TMEM63B: variants seen among roughly 807,000 people sequenced by gnomAD.
The protein encoded by TMEM63B is transmembrane protein 63B.
Under a neutral mutation model 102.6 loss-of-function variants are expected in TMEM63B, and 23 were observed. The ratio of observed to expected loss-of-function variants is 0.22; its 90% CI spans 0.16 to 0.32. The LOEUF is 0.32. Ranked by LOEUF, TMEM63B falls within the 10% of genes least tolerant of loss-of-function variation. TMEM63B has a pLI of 1.00. For synonymous variants in TMEM63B, 444 were observed against 437.0 expected, an observed-to-expected ratio of 1.02 and a Z score of -0.20; for missense variants, 628 against 1,095.9, an observed-to-expected ratio of 0.57 and a Z score of 6.03.
rs1486497700 is a variant in TMEM63B, at chr6:44,152,573, C to T, written c.1837-20C>T. 4.4e-6 allele frequency: 7 copies of T among 1,598,984 alleles called. No individual in the cohort carries two copies. Among genetic ancestry groups the T allele is most frequent in the South Asian group, 3.3e-5 (3 of 90,902 alleles). ...AGTCCCTGCCTCCCTGAGCCATCCTCCTGCCCGTCTCCCCCCCAGCATCAG... is the reference window on the plus strand; with the variant it reads ...AGTCCCTGCCTCCCTGAGCCATCCTTCTGCCCGTCTCCCCCCCAGCATCAG... On this transcript the variant is annotated intron_variant, in intron 19 of 23. Transcript: ENST00000323267. The surrounding 1 kb of genome is among the most constrained non-coding windows in gnomAD (Gnocchi z 6.4).
At chr6:44,138,822 G>A (rs778321534) in intron 6 of TMEM63B, 2 of 375,840 alleles carry the variant, frequency 5.3e-6, no homozygotes, top group Non-Finnish European at 1.0e-5. Flanking sequence ...AGTGAGTGGG[G>A]GCAGCAGTAG....
At chr6:44,132,476 C>A (rs1424495617) in intron 1 of TMEM63B, among the ~76,000 whole-genome samples, 1 of 152,082 alleles carries the variant, frequency 6.6e-6, no homozygotes, top group Non-Finnish European at 1.5e-5. Context: ...GAGAGAGAAA[C>A]AGGCAAGGGG....
At chr6:44,153,580 C>G (rs1002301566) in intron 20 of TMEM63B, 96 bp from the exon 21 acceptor site, 223 of 1,449,006 alleles carry the variant, frequency 1.5e-4, no homozygotes, top group Non-Finnish European at 9.1e-5. Context: ...GGGGGCCAAC[C>G]CTTCAGCACT....
In TMEM63B at chr6:44,148,814, T is replaced by C; in HGVS notation, c.1282T>C (p.Phe428Leu). Residue 428 changes from phenylalanine to leucine, a missense_variant, in exon 15 of 24, where the codon TTC (phenylalanine) becomes CTC (leucine). This residue lies in a region of TMEM63B where 336 missense variants were observed against 580.3 expected (regional missense o/e 0.58). Coordinates refer to ENST00000323267, the MANE Select transcript of TMEM63B (RefSeq NM_018426.3). This position sits in a 1 kb window ranked among gnomAD's most constrained non-coding sequence, Gnocchi z 5.1. ...CAGGGAGCACCTCTCCATCCGAGGC[T>C]TCATCTGGTGGCTGCGCTGCCTGGT... ...IYWEHLSIRGFIWWLRCLVIN... is the reference protein window; with the variant it reads ...IYWEHLSIRGLIWWLRCLVIN... The C allele has an allele frequency of 6.2e-7, 1 of 1,614,130 alleles. No homozygotes were observed. The highest frequency in any genetic ancestry group is 8.5e-7 in the Non-Finnish European group (1 of 1,180,034).
chr6:44,136,242 G>C, intron 4 of TMEM63B, 107 bp from the exon 5 acceptor site: 1 of 847,830 alleles, frequency 1.2e-6, no homozygotes, highest in East Asian at 2.4e-5. Flanking sequence ...TGCGCTTCCT[G>C]TGCCTTCTGT....
Position 44,151,955 on chromosome 6 carries a change from A to C in TMEM63B, c.1783A>C (p.Met595Leu). The change falls in exon 19 of 24, where the codon ATG (methionine) becomes CTG (leucine). Residue 595 changes from methionine to leucine, a missense_variant. Physicochemically the swap from Met to Leu is conservative, Grantham distance 15. Around this residue, in one of 6 missense-constraint regions of TMEM63B, gnomAD observed 90 missense variants for 136.7 expected, o/e 0.66. Transcript: ENST00000323267. ...LLRIPGLLMYMIRLCLARSAA... is the reference protein window; with the variant it reads ...LLRIPGLLMYLIRLCLARSAA... ...GCGCATCCCAGGCCTGCTCATGTAC[A>C]TGATCCGGCTCTGCCTGGCGCGCTC... is the stretch of plus-strand genomic sequence containing the variant. 6.2e-7 allele frequency: 1 copy of C among 1,613,116 alleles called. No homozygotes were observed. The highest frequency in any genetic ancestry group is 8.5e-7 in the Non-Finnish European group (1 of 1,179,442).
In TMEM63B at chr6:44,148,487, G is replaced by A; in HGVS notation, c.1122-26G>A. On this transcript the variant is annotated intron_variant, in intron 13 of 23. Transcript: ENST00000323267. This position sits in a 1 kb window ranked among gnomAD's most constrained non-coding sequence, Gnocchi z 5.1. ...AGCAGTGTGGCCTCCAGGTGGGCCT[G>A]TGGTAACCAGTGCCCATCTTTCTAG... 1.2e-6 allele frequency: 2 copies of A among 1,613,332 alleles called. No homozygotes were observed. The highest frequency in any genetic ancestry group is 1.3e-5 in the African/African-American group (1 of 75,056).
intron 1 of TMEM63B, among the ~76,000 whole-genome samples, chr6:44,133,185 A>G (rs1342559232): frequency 6.6e-6 from 1 of 152,186 alleles, no homozygotes; most frequent in Non-Finnish European, 1.5e-5. Context: ...ACACCAGCAC[A>G]CACTCCTTTA....
chr6:44,138,265 T>G, intron 5 of TMEM63B: 1 of 567,044 alleles, frequency 1.8e-6, no homozygotes, highest in Non-Finnish European at 3.2e-6. Flanking sequence ...ATAAACCTGT[T>G]TAGTGTTGGT....
intron 6 of TMEM63B, 132 bp downstream of exon 6, chr6:44,138,649 C>T (rs1030118856): frequency 1.9e-6 from 2 of 1,072,730 alleles, no homozygotes; most frequent in Admixed American, 1.8e-5. Context: ...CCTCCCTGCT[C>T]TCAAAGGCCA....
At chr6:44,144,647 A>G (rs1764973677) in intron 10 of TMEM63B, among the ~76,000 whole-genome samples, 1 of 151,736 alleles carries the variant, frequency 6.6e-6, no homozygotes, top group Non-Finnish European at 1.5e-5. Flanking sequence ...GGAGTGCTGC[A>G]ATACAGGGGC....
At position 44,140,243 on chromosome 6, in the gene TMEM63B, T is replaced by G. The variant is rs1216966356; in HGVS notation, c.603-9T>G. On this transcript the variant is annotated splice_polypyrimidine_tract_variant and intron_variant, in intron 8 of 23. Coordinates refer to ENST00000323267, the MANE Select transcript of TMEM63B (RefSeq NM_018426.3). ...AGTGGCTCCCATGTATCCTCTCTGCTTCTCCCAGGAACAACCTGCTATGGC... is the reference window on the plus strand; with the variant it reads ...AGTGGCTCCCATGTATCCTCTCTGCGTCTCCCAGGAACAACCTGCTATGGC... The G allele has an allele frequency of 6.2e-7, 1 of 1,612,662 alleles. No individual in the cohort carries two copies. The highest frequency in any genetic ancestry group is 1.1e-5 in the South Asian group (1 of 91,042).
At chr6:44,146,821 A>C in intron 10 of TMEM63B, 26 bp from the exon 11 acceptor site, 2 of 1,613,132 alleles carry the variant, frequency 1.2e-6, no homozygotes, top group Non-Finnish European at 1.7e-6. Context: ...GTCCCTGCAC[A>C]AGATGATACA....
At chr6:44,127,544 C>T (rs1777387376), upstream of TMEM63B, 1 of 143,446 alleles carries the variant, frequency 7.0e-6, no homozygotes, top group African/African-American at 2.6e-5. Flanking sequence ...CCCCCCGCTC[C>T]CCCTCCCCCA....
chr6:44,134,575 A>G lies in TMEM63B; in HGVS notation c.-10A>G, dbSNP rs905054323. 1 of 1,613,380 alleles carries G rather than the reference A, an allele frequency of 6.2e-7. No individual in the cohort carries two copies. The highest frequency in any genetic ancestry group is 8.5e-7 in the Non-Finnish European group (1 of 1,179,600). ...CCTCTGCCCAGGAGGACCATGCGGC[A>G]GTAGCAGCCATGCTGCCCTTTCTGC... On this transcript the variant is annotated 5_prime_UTR_variant, in exon 2 of 24. Coordinates refer to ENST00000323267, the MANE Select transcript of TMEM63B (RefSeq NM_018426.3).
Position 44,148,133 on chromosome 6 carries a change from A to AG in TMEM63B, c.988-119_988-118insG. 1 of 1,485,826 alleles carries AG rather than the reference A, an allele frequency of 6.7e-7. No individual in the cohort carries two copies. Among genetic ancestry groups the AG allele is most frequent in the African/African-American group, 1.4e-5 (1 of 71,004 alleles). 92.0% of individuals were successfully genotyped at this position (1,485,826 alleles called of 1,614,324 possible). ...GCGAGACGCTGTTTCCAAAAAAAAA[A>AG]AAATGCTTAGAGGAGCAGTGCCTGG... On this transcript the variant is annotated intron_variant, in intron 12 of 23. Transcript: ENST00000323267. The surrounding 1 kb of genome is among the most constrained non-coding windows in gnomAD (Gnocchi z 5.1).
At chr6:44,140,957 C>T (rs1246631185) in intron 9 of TMEM63B, 71 bp from the exon 10 acceptor site, 1 of 1,387,250 alleles carries the variant, frequency 7.2e-7, no homozygotes, top group East Asian at 2.3e-5. Flanking sequence ...TCTAGTGCCC[C>T]CCACCCCTCA....
In TMEM63B at chr6:44,135,070, G is replaced by A. The variant is rs1407224492; in HGVS notation, c.213G>A (p.Arg71=). The A allele has an allele frequency of 6.2e-7, 1 of 1,614,096 alleles. No homozygotes were observed. Among genetic ancestry groups the A allele is most frequent in the African/African-American group, 1.3e-5 (1 of 74,928 alleles). Residue 71 remains arginine, a synonymous_variant, in exon 3 of 24, where the codon CGG becomes CGA. Coordinates refer to ENST00000323267, the MANE Select transcript of TMEM63B (RefSeq NM_018426.3). ...GGAAGGTGGCCTGGGACTATGGGCG[G>A]CTGGCCTTGGTGACAGATGCAGACA... ...ILRKVAWDYG[R]LALVTDADRL...
At chr6:44,133,335 A>T (rs1762305250) in intron 1 of TMEM63B, among the ~76,000 whole-genome samples, 1 of 152,140 alleles carries the variant, frequency 6.6e-6, no homozygotes, top group Non-Finnish European at 1.5e-5. Context: ...AAACCCTCTG[A>T]GTCCCCCTGG....
Sources: gnomAD v4.1 joint callset for allele counts (sites outside exome capture counted in the v4.1 genomes callset) on GRCh38, gnomAD v4.1.1 for gene constraint, gnomAD v4.1.1 regional missense constraint, Gnocchi (gnomAD v3.1) non-coding constraint, MANE v1.5 for transcripts, NCBI Gene and HGNC (gene_info 2026-07-23, HGNC 2026-07-21) for gene names.